The following TMEM217 variants were observed in gnomAD, a reference collection of about 807,000 sequenced individuals.
TMEM217 encodes chromosome 6 open reading frame 128.
For synonymous variants in TMEM217, 76 were observed against 88.3 expected, an observed-to-expected ratio of 0.86 and a Z score of 0.78; for missense variants, 204 against 248.8, an observed-to-expected ratio of 0.82 and a Z score of 1.21.
chr6:37,233,558 G>A (rs1764327241), intron 1 of TMEM217, among the ~76,000 whole-genome samples: 3 of 152,206 alleles, frequency 2.0e-5, no homozygotes, highest in African/African-American at 7.2e-5. Context: ...CATTCACAAA[G>A]TTGGCGCCCT....
chr6:37,213,338 T>C (rs1382969690), downstream of TMEM217, among the ~76,000 whole-genome samples: 2 of 152,226 alleles, frequency 1.3e-5, no homozygotes, highest in Non-Finnish European at 2.9e-5. Flanking sequence ...AGGATAACGA[T>C]GGTATGAACG....
At chr6:37,246,902 C>A (rs1192536777) in intron 1 of TMEM217, among the ~76,000 whole-genome samples, 5 of 142,004 alleles carry the variant, frequency 3.5e-5, no homozygotes, top group South Asian at 2.3e-4. Flanking sequence ...GACTCTGTCT[C>A]AAAAAAAAAA....
chr6:37,253,324 A>G (rs970335907), intron 1 of TMEM217, among the ~76,000 whole-genome samples: 43 of 152,046 alleles, frequency 2.8e-4, no homozygotes, highest in African/African-American at 9.9e-4. Flanking sequence ...GTACACAGAG[A>G]TTTCCCCCTT....
chr6:37,255,202 A>G (rs1765650752), intron 1 of TMEM217, among the ~76,000 whole-genome samples: 1 of 152,226 alleles, frequency 6.6e-6, no homozygotes, highest in Non-Finnish European at 1.5e-5. Context: ...GAGCCAGGCA[A>G]TAAGACCAAT....
At chr6:37,230,789 A>C (rs1764159820) in intron 1 of TMEM217, among the ~76,000 whole-genome samples, 1 of 152,218 alleles carries the variant, frequency 6.6e-6, no homozygotes. Context: ...ACAGTTAAGC[A>C]GAACAGCCTT....
At chr6:37,227,477 C>T (rs1335082290) in intron 1 of TMEM217, among the ~76,000 whole-genome samples, 1 of 152,126 alleles carries the variant, frequency 6.6e-6, no homozygotes, top group Non-Finnish European at 1.5e-5. Context: ...GACGGAGTCT[C>T]GCTCTGTCAC....
chr6:37,218,239 G>A (rs547877155), exon 2 of TMEM217: 11 of 1,322,328 alleles, frequency 8.3e-6, no homozygotes, highest in African/African-American at 7.5e-5. Context: ...GCGCAATCTC[G>A]GCTCACTGCA....
At chr6:37,221,628 T>C (rs1223957193) in intron 1 of TMEM217, among the ~76,000 whole-genome samples, 1 of 152,184 alleles carries the variant, frequency 6.6e-6, no homozygotes, top group African/African-American at 2.4e-5. Context: ...TGAAAATATA[T>C]GAAGAAACAG....
At chr6:37,248,602 CTCTT>C (rs1583489611) in intron 1 of TMEM217, among the ~76,000 whole-genome samples, 1 of 152,212 alleles carries the variant, frequency 6.6e-6, no homozygotes, top group Admixed American at 6.5e-5. Context: ...GCCTCTTCCT[CTCTT>C]TGAGCTTCAG....
At chr6:37,233,152 C>CGGG (rs1764296778) in intron 1 of TMEM217, among the ~76,000 whole-genome samples, 2 of 151,782 alleles carry the variant, frequency 1.3e-5, no homozygotes, top group Non-Finnish European at 2.9e-5. Flanking sequence ...CAAACTCCCA[C>CGGG]CCCCACCTAC....
chr6:37,230,760 G>A (rs1036888773), intron 1 of TMEM217, among the ~76,000 whole-genome samples: 1 of 151,972 alleles, frequency 6.6e-6, no homozygotes, highest in African/African-American at 2.4e-5. Flanking sequence ...CCAATAAAGG[G>A]GCCAAAATTC....
intron 1 of TMEM217, among the ~76,000 whole-genome samples, chr6:37,255,063 A>G (rs1464747697): frequency 6.6e-6 from 1 of 152,080 alleles, no homozygotes; most frequent in Non-Finnish European, 1.5e-5. Context: ...CCCACCCGCC[A>G]CTCACCTCCT....
At chr6:37,255,400 G>A (rs1047006199) in intron 1 of TMEM217, among the ~76,000 whole-genome samples, 1 of 152,050 alleles carries the variant, frequency 6.6e-6, no homozygotes, top group Admixed American at 6.5e-5. Context: ...GGTGTCTCTG[G>A]GCAGGGTGCG....
At chr6:37,257,961 A>T in exon 1 of TMEM217, 1 of 1,614,110 alleles carries the variant, frequency 6.2e-7, no homozygotes, top group South Asian at 1.1e-5. Context: ...AGGAGCGCTA[A>T]GCTGCCGGGG....
chr6:37,229,069 C>T (rs1281840929), intron 1 of TMEM217, among the ~76,000 whole-genome samples: 2 of 151,828 alleles, frequency 1.3e-5, no homozygotes, highest in Admixed American at 1.3e-4. Flanking sequence ...TACTTTGTGC[C>T]AGGCACTGTA....
At chr6:37,246,207 G>T (rs930078852) in intron 1 of TMEM217, among the ~76,000 whole-genome samples, 4 of 152,060 alleles carry the variant, frequency 2.6e-5, no homozygotes, top group African/African-American at 9.7e-5. Context: ...ATCAGCTTTT[G>T]CCACAACAAT....
chr6:37,254,206 G>C (rs553693765), intron 1 of TMEM217, among the ~76,000 whole-genome samples: 1 of 152,148 alleles, frequency 6.6e-6, no homozygotes, highest in Non-Finnish European at 1.5e-5. Context: ...TCAGAATCTA[G>C]GTTTTTAATA....
chr6:37,232,800 C>A (rs1764278553), intron 1 of TMEM217, among the ~76,000 whole-genome samples: 1 of 152,244 alleles, frequency 6.6e-6, no homozygotes. Context: ...CACTCCTTAT[C>A]TCTTCAAACA....
chr6:37,218,253 TC>T, exon 2 of TMEM217: 1 of 1,248,696 alleles, frequency 8.0e-7, no homozygotes. Context: ...CACTGCAACC[TC>T]CACCTCCCAG....
Sources: gnomAD v4.1 joint callset for allele counts (sites outside exome capture counted in the v4.1 genomes callset) on GRCh38, gnomAD v4.1.1 for gene constraint, MANE v1.5 for transcripts, NCBI Gene and HGNC (gene_info 2026-07-23, HGNC 2026-07-21) for gene names.